Variants in TBCA observed in about 807,000 individuals in gnomAD.
The protein encoded by TBCA is tubulin folding cofactor A.
A neutral mutation model predicts 15.8 loss-of-function variants in TBCA; 6 were observed. The observed-to-expected ratio is 0.38, with a 90% CI of 0.21 to 0.75. TBCA has a LOEUF of 0.75. Ranked by LOEUF, TBCA falls within the 30% of genes least tolerant of loss-of-function variation. TBCA has a pLI of 0.46. For missense variants in TBCA, 90 were observed against 131.2 expected, an observed-to-expected ratio of 0.69 and a Z score of 1.53; for synonymous variants, 32 against 42.3, an observed-to-expected ratio of 0.76 and a Z score of 0.94.
chr5:77,712,040 G>A (rs1746289524), intron 1 of TBCA, among the ~76,000 whole-genome samples: 1 of 151,942 alleles, frequency 6.6e-6, no homozygotes, highest in African/African-American at 2.4e-5. Context: ...AGTGAATAAA[G>A]GCTAGGGTAA....
intron 2 of TBCA, among the ~76,000 whole-genome samples, chr5:77,706,252 G>T (rs1746147079): frequency 6.6e-6 from 1 of 152,098 alleles, no homozygotes. Flanking sequence ...TGTACAAGCT[G>T]GTTCACATTC....
intron 1 of TBCA, among the ~76,000 whole-genome samples, chr5:77,714,244 C>T (rs1378068356): frequency 3.3e-5 from 5 of 151,884 alleles, no homozygotes; most frequent in Non-Finnish European, 4.4e-5. Flanking sequence ...CGCTTGAACC[C>T]GGGAGGCGGA....
intron 1 of TBCA, among the ~76,000 whole-genome samples, chr5:77,709,786 T>C (rs1245947121): frequency 1.3e-5 from 2 of 152,142 alleles, no homozygotes; most frequent in East Asian, 3.9e-4. Context: ...CAATAATCAA[T>C]GGAAAATGTG....
chr5:77,746,604 T>C (rs1435988575), intron 1 of TBCA, among the ~76,000 whole-genome samples: 3 of 152,214 alleles, frequency 2.0e-5, no homozygotes, highest in African/African-American at 7.2e-5. Flanking sequence ...TAACACAAAC[T>C]GTACAAAACA....
chr5:77,695,589 A>G (rs1745854749), intron 2 of TBCA, among the ~76,000 whole-genome samples: 1 of 152,202 alleles, frequency 6.6e-6, no homozygotes, highest in Non-Finnish European at 1.5e-5. Context: ...AACTGTCTGG[A>G]ATAATTTTAA....
At chr5:77,743,517 C>G (rs1335839679) in intron 1 of TBCA, among the ~76,000 whole-genome samples, 2 of 152,186 alleles carry the variant, frequency 1.3e-5, no homozygotes, top group African/African-American at 4.8e-5. Context: ...ACCTAGACTT[C>G]CCTGCAGTTT....
intron 1 of TBCA, among the ~76,000 whole-genome samples, chr5:77,714,224 C>G (rs1048033019): frequency 2.0e-5 from 3 of 151,658 alleles, no homozygotes; most frequent in African/African-American, 7.3e-5. Context: ...GGAGGCTGAG[C>G]CAGGAGAATC....
chr5:77,770,738 A>C (rs998023650), intron 1 of TBCA, among the ~76,000 whole-genome samples: 8 of 149,162 alleles, frequency 5.4e-5, no homozygotes, highest in South Asian at 4.2e-4. Context: ...TAAAAAAAAA[A>C]GAAAAAAAAC....
chr5:77,736,859 A>G (rs1292699863), intron 1 of TBCA, among the ~76,000 whole-genome samples: 1 of 152,228 alleles, frequency 6.6e-6, no homozygotes, highest in Non-Finnish European at 1.5e-5. Flanking sequence ...AATTGCTTGC[A>G]CAAATAGTAA....
At chr5:77,692,940 C>G in intron 3 of TBCA, 1 of 1,283,476 alleles carries the variant, frequency 7.8e-7, no homozygotes, top group Non-Finnish European at 9.8e-7. Context: ...TCAACTCATC[C>G]TCAATGTCTC....
chr5:77,768,046 C>A (rs969789915), intron 1 of TBCA, among the ~76,000 whole-genome samples: 5 of 152,160 alleles, frequency 3.3e-5, no homozygotes, highest in Non-Finnish European at 5.9e-5. Flanking sequence ...GTGTTCAGCG[C>A]ACCATCCTGG....
chr5:77,772,695 T>C (rs1747941824), intron 1 of TBCA, among the ~76,000 whole-genome samples: 1 of 152,142 alleles, frequency 6.6e-6, no homozygotes, highest in Admixed American at 6.5e-5. Flanking sequence ...AGTGGGAAGC[T>C]ATACCCCAAA....
At chr5:77,761,265 G>A (rs1747629401) in intron 1 of TBCA, among the ~76,000 whole-genome samples, 2 of 152,154 alleles carry the variant, frequency 1.3e-5, no homozygotes, top group South Asian at 2.1e-4. Context: ...AGTAGACATA[G>A]GAGACTCCAT....
At chr5:77,761,907 T>C (rs1397375813) in intron 1 of TBCA, among the ~76,000 whole-genome samples, 1 of 152,234 alleles carries the variant, frequency 6.6e-6, no homozygotes, top group Non-Finnish European at 1.5e-5. Context: ...GAAAGTTTAA[T>C]ACTTCTGTCT....
At chr5:77,763,261 AAAAT>A (rs955138867) in intron 1 of TBCA, among the ~76,000 whole-genome samples, 9 of 151,964 alleles carry the variant, frequency 5.9e-5, no homozygotes, top group African/African-American at 1.4e-4. Flanking sequence ...ATAAATAAAT[AAAAT>A]AAATAAATAA....
At chr5:77,765,040 G>T (rs1340631204) in intron 1 of TBCA, among the ~76,000 whole-genome samples, 2 of 151,792 alleles carry the variant, frequency 1.3e-5, no homozygotes, top group Non-Finnish European at 2.9e-5. Flanking sequence ...AATGTACAAT[G>T]TTAGCAAAAA....
chr5:77,720,607 G>A (rs1746509490), intron 1 of TBCA, among the ~76,000 whole-genome samples: 1 of 152,046 alleles, frequency 6.6e-6, no homozygotes. Flanking sequence ...CCAGCTACTT[G>A]GGAGGCTGAG....
At chr5:77,736,473 C>T (rs185911038) in intron 1 of TBCA, among the ~76,000 whole-genome samples, 65 of 152,066 alleles carry the variant, frequency 4.3e-4, no homozygotes, top group African/African-American at 1.5e-3. Flanking sequence ...CAAACAGAAA[C>T]AATGCTTATG....
At chr5:77,716,224 AT>A (rs1746396500) in intron 1 of TBCA, among the ~76,000 whole-genome samples, 1 of 152,226 alleles carries the variant, frequency 6.6e-6, no homozygotes, top group African/African-American at 2.4e-5. Flanking sequence ...CAGGAAGCTG[AT>A]CAAAAAATGA....
Sources: gnomAD v4.1 joint callset for allele counts (sites outside exome capture counted in the v4.1 genomes callset) on GRCh38, gnomAD v4.1.1 for gene constraint, MANE v1.5 for transcripts, NCBI Gene and HGNC (gene_info 2026-07-23, HGNC 2026-07-21) for gene names.